ZGRF1: variants seen among roughly 807,000 people sequenced by gnomAD.
ZGRF1 encodes the protein 5'-3' DNA helicase ZGRF1.
ZGRF1 carries 196 observed loss-of-function variants against 203.5 expected under a neutral mutation model. The observed-to-expected ratio is 0.96, with a 90% CI of 0.86 to 1.08. The LOEUF is 1.08. Ranked by LOEUF, ZGRF1 falls within the 50% of genes least tolerant of loss-of-function variation. The pLI, the probability that ZGRF1 is intolerant of heterozygous loss-of-function variation, is 0.00. For synonymous variants in ZGRF1, 809 were observed against 841.3 expected (o/e 0.96, Z 0.66); for missense variants, 2,326 against 2,416.3 (o/e 0.96, Z 0.78).
chr4:112,586,999 G>C lies in ZGRF1; in HGVS notation c.3777+281C>G, dbSNP rs535292289. On this transcript the variant is annotated intron_variant, in intron 12 of 27. Coordinates refer to ENST00000505019, the MANE Select transcript of ZGRF1 (RefSeq NM_018392.5). ...CAAAAGTAAAAACAATAATTGTAATGGTAGTAGTGATGGAAACAAAAGTAG... is the reference window on the plus strand; with the variant it reads ...CAAAAGTAAAAACAATAATTGTAATCGTAGTAGTGATGGAAACAAAAGTAG... 2.6e-5 allele frequency among the ~76,000 whole-genome samples: 4 copies of C among 152,256 alleles called. No homozygotes were observed. The South Asian group carries it at 8.3e-4, about 32-fold the overall frequency.
intron 8 of ZGRF1, 63 bp from the exon 9 acceptor site, chr4:112,606,154 T>A: frequency 1.9e-6 from 2 of 1,062,708 alleles, no homozygotes; most frequent in Non-Finnish European, 2.8e-6. Context: ...GATTCATGAT[T>A]TTGATGGAAA....
intron 16 of ZGRF1, among the ~76,000 whole-genome samples, chr4:112,570,291 T>C (rs1486564289): frequency 6.6e-6 from 1 of 152,132 alleles, no homozygotes; most frequent in Non-Finnish European, 1.5e-5. Flanking sequence ...CAATCAAGTG[T>C]ACAAAAACCT....
chr4:112,633,047 T>C, intron 2 of ZGRF1, 109 bp downstream of exon 2: 1 of 995,180 alleles, frequency 1.0e-6, no homozygotes, highest in Non-Finnish European at 1.6e-6. Flanking sequence ...TGTTTTTTGT[T>C]TTGTTTTTGC....
At chr4:112,596,559 A>G (rs964468489) in intron 10 of ZGRF1, among the ~76,000 whole-genome samples, 10 of 152,062 alleles carry the variant, frequency 6.6e-5, no homozygotes, top group African/African-American at 2.4e-4. Context: ...AACCTGAAGG[A>G]AAGCACATGA....
intron 22 of ZGRF1, among the ~76,000 whole-genome samples, chr4:112,550,238 G>C (rs1739679357): frequency 6.6e-6 from 1 of 151,550 alleles, no homozygotes; most frequent in Non-Finnish European, 1.5e-5. Context: ...AAGATGTAGA[G>C]GTGGAAGACA....
At chr4:112,554,814 T>TCCTAA in intron 20 of ZGRF1, 32 bp from the exon 21 acceptor site, 4 of 1,171,426 alleles carry the variant, frequency 3.4e-6, no homozygotes, top group Non-Finnish European at 4.9e-6. Context: ...AGATTCTGAT[T>TCCTAA]ATTTAGGAAA....
intron 1 of ZGRF1, among the ~76,000 whole-genome samples, chr4:112,635,321 T>A (rs149472475): frequency 6.6e-6 from 1 of 152,026 alleles, no homozygotes; most frequent in South Asian, 2.1e-4. Context: ...GTGGCAATTA[T>A]TAATATCAGA....
At chr4:112,565,211 T>C in intron 16 of ZGRF1, 1 of 1,588,710 alleles carries the variant, frequency 6.3e-7, no homozygotes, top group Non-Finnish European at 8.6e-7. Flanking sequence ...GTGCGAGAAA[T>C]TGCTCAGGAC....
chr4:112,582,634 G>A (rs562448787), intron 15 of ZGRF1, among the ~76,000 whole-genome samples: 8 of 151,830 alleles, frequency 5.3e-5, no homozygotes, highest in South Asian at 2.1e-4. Flanking sequence ...TTGTAGAGAC[G>A]AGGTTTCATG....
At chr4:112,548,439 A>G in intron 22 of ZGRF1, 59 bp from the exon 23 acceptor site, 1 of 1,373,958 alleles carries the variant, frequency 7.3e-7, no homozygotes, top group Admixed American at 2.2e-5. Flanking sequence ...AAGAGAACGT[A>G]TTTACCAAAG....
chr4:112,592,381 A>G (rs985170441), intron 10 of ZGRF1, among the ~76,000 whole-genome samples: 1 of 152,168 alleles, frequency 6.6e-6, no homozygotes, highest in African/African-American at 2.4e-5. Context: ...TACAGGTGTC[A>G]GCCACCACGC....
intron 17 of ZGRF1, 40 bp downstream of exon 17, chr4:112,563,090 TC>T: frequency 6.7e-7 from 1 of 1,492,446 alleles, no homozygotes; most frequent in Non-Finnish European, 9.0e-7. Context: ...TGTCTATCAT[TC>T]TTTTTAAATA....
At chr4:112,635,752 T>C (rs2047593526) in intron 1 of ZGRF1, among the ~76,000 whole-genome samples, 2 of 151,794 alleles carry the variant, frequency 1.3e-5, no homozygotes, top group Admixed American at 1.3e-4. Context: ...TATTTATCAG[T>C]CTCATAATCC....
chr4:112,580,951 A>T lies in ZGRF1; in HGVS notation c.4438+712T>A, dbSNP rs1468950588. Among the ~76,000 whole-genome samples the T allele has an allele frequency of 3.3e-5, 5 of 151,962 alleles. No homozygotes were observed. The South Asian group carries it at 6.2e-4, about 19-fold the overall frequency. On this transcript the variant is annotated intron_variant, in intron 16 of 27. Coordinates refer to ENST00000505019, the MANE Select transcript of ZGRF1 (RefSeq NM_018392.5). Reference sequence around the variant, plus strand: ...GGGTATATACCCAAAGGATTATAAAACATGCTGCTATAAAGACACATGCAC... The same window carrying T: ...GGGTATATACCCAAAGGATTATAAATCATGCTGCTATAAAGACACATGCAC...
intron 3 of ZGRF1, among the ~76,000 whole-genome samples, chr4:112,627,330 T>C (rs1167428700): frequency 6.6e-6 from 1 of 152,202 alleles, no homozygotes; most frequent in Non-Finnish European, 1.5e-5. Context: ...GCCTGCTTGG[T>C]CAGACCTCCA....
intron 4 of ZGRF1, among the ~76,000 whole-genome samples, chr4:112,622,148 T>G (rs924732982): frequency 6.6e-6 from 1 of 152,208 alleles, no homozygotes; most frequent in Non-Finnish European, 1.5e-5. Context: ...ACTGATGTCA[T>G]GTAAAATTTC....
At chr4:112,589,384 C>A (rs755431084) in intron 11 of ZGRF1, among the ~76,000 whole-genome samples, 1 of 152,058 alleles carries the variant, frequency 6.6e-6, no homozygotes, top group South Asian at 2.1e-4. Context: ...GAGACACTTG[C>A]AATGAGTCAT....
intron 6 of ZGRF1, among the ~76,000 whole-genome samples, chr4:112,613,111 T>A (rs893662171): frequency 1.3e-5 from 2 of 152,130 alleles, no homozygotes; most frequent in Non-Finnish European, 2.9e-5. Context: ...CTGGCCAACA[T>A]GCTGAGACCT....
chr4:112,613,103 G>A (rs1214240090), intron 6 of ZGRF1, among the ~76,000 whole-genome samples: 1 of 152,284 alleles, frequency 6.6e-6, no homozygotes, highest in East Asian at 1.9e-4. Context: ...AGACCAGCCT[G>A]GCCAACATGC....
Sources: allele counts gnomAD v4.1 joint callset (sites outside exome capture counted in the v4.1 genomes callset), GRCh38; gene constraint gnomAD v4.1.1; transcripts MANE v1.5; gene names NCBI Gene and HGNC (gene_info 2026-07-23, HGNC 2026-07-21).